Variants in IFNGR2 observed in about 807,000 individuals in gnomAD.
The protein encoded by IFNGR2 is IFN-gamma receptor 2.
In IFNGR2, 15 loss-of-function variants were observed where a neutral mutation model predicts 41.1. The ratio of observed to expected loss-of-function variants is 0.37; its 90% CI spans 0.24 to 0.56. The LOEUF is 0.56. IFNGR2 is among the 20% of genes least tolerant of loss of function. The probability of loss-of-function intolerance (pLI) is 0.81; values close to 1 mark genes in which losing one functional copy is unlikely to be tolerated. For missense variants in IFNGR2, 362 were observed against 415.7 expected (o/e 0.87, Z 1.12); for synonymous variants, 161 against 171.6 (o/e 0.94, Z 0.48).
intron 6 of IFNGR2, among the ~76,000 whole-genome samples, chr21:33,433,360 C>G (rs2083909198): frequency 6.6e-6 from 1 of 152,198 alleles, no homozygotes; most frequent in Non-Finnish European, 1.5e-5. Context: ...TGGAAGCACT[C>G]CGGTGTCGTT....
intron 1 of IFNGR2, among the ~76,000 whole-genome samples, chr21:33,407,844 G>GCC (rs1321355764): frequency 2.4e-3 from 132 of 55,720 alleles, no homozygotes; most frequent in Admixed American, 3.2e-3. Flanking sequence ...GATCCCCACC[G>GCC]CACCCCCCCC....
At chr21:33,433,338 A>G (rs1248795901) in intron 6 of IFNGR2, among the ~76,000 whole-genome samples, 1 of 152,230 alleles carries the variant, frequency 6.6e-6, no homozygotes, top group East Asian at 1.9e-4. Flanking sequence ...ACGATTCACA[A>G]CAGCCAAAAG....
At chr21:33,417,136 G>A (rs560657864) in intron 2 of IFNGR2, among the ~76,000 whole-genome samples, 1 of 151,684 alleles carries the variant, frequency 6.6e-6, no homozygotes, top group South Asian at 2.1e-4. Context: ...CTGCCCCCCA[G>A]GCTGGAGTGC....
In IFNGR2 at chr21:33,412,942, CTG is replaced by C. The variant is rs2083727492; in HGVS notation, c.74-1944_74-1943del. ...AATAAATCTATTCAAACAGCTGCCT[CTG>C]TTATCTTGACTTGCTCCAGGTTTGG... On this transcript the variant is annotated intron_variant, in intron 1 of 6. Transcript: ENST00000290219. Among the ~76,000 whole-genome samples, 2 of 152,220 alleles carry C rather than the reference CTG, an allele frequency of 1.3e-5. 1 individual carries two copies. The highest frequency in any genetic ancestry group is 1.3e-4 in the Admixed American group (2 of 15,280).
rs1487196634 is a variant in IFNGR2, at chr21:33,426,940, A to G, written c.469A>G (p.Ile157Val). 1.9e-6 allele frequency: 3 copies of G among 1,613,478 alleles called. No homozygotes were observed. Among genetic ancestry groups the G allele is most frequent in the African/African-American group, 2.7e-5 (2 of 74,844 alleles). The stretch of plus-strand genomic sequence containing the variant: ...GACCCCAGGAGAAGGCTCCCTCATC[A>G]TCAGGTTCTCCTCTCCCTTTGACAT... ...EVTPGEGSLI[I>V]RFSSPFDIAD... The change falls in exon 4 of 7, where the codon ATC becomes GTC. Residue 157 changes from isoleucine to valine, a missense_variant. Transcript: ENST00000290219.
intron 1 of IFNGR2, among the ~76,000 whole-genome samples, chr21:33,403,940 T>C (rs1256426859): frequency 6.6e-6 from 1 of 152,010 alleles, no homozygotes; most frequent in Non-Finnish European, 1.5e-5. Context: ...CCTGGCGTCC[T>C]GGCCGCCGGG....
At chr21:33,415,319 A>G (rs989563480) in intron 2 of IFNGR2, among the ~76,000 whole-genome samples, 2 of 152,232 alleles carry the variant, frequency 1.3e-5, no homozygotes, top group African/African-American at 4.8e-5. Flanking sequence ...ATAGGCTTCC[A>G]CCATGGAAGA....
At chr21:33,427,708 C>G (rs921715617) in intron 4 of IFNGR2, among the ~76,000 whole-genome samples, 3 of 152,016 alleles carry the variant, frequency 2.0e-5, no homozygotes, top group Non-Finnish European at 4.4e-5. Flanking sequence ...TAAGGAGGTT[C>G]TGTTATCTAT....
In IFNGR2 at chr21:33,411,004, G is replaced by A; in HGVS notation, c.74-3884G>A. On this transcript the variant is annotated intron_variant, in intron 1 of 6. Coordinates refer to ENST00000290219, the MANE Select transcript of IFNGR2 (RefSeq NM_005534.4). ...TTTCCCATCGGGGGCCATGTGGCCT[G>A]GAACACAGAGGCTGGGCTGCCCAAG... is the stretch of plus-strand genomic sequence containing the variant. 3.8e-6 allele frequency: 3 copies of A among 795,010 alleles called. No individual in the cohort carries two copies. In the South Asian group the frequency reaches 4.5e-5, roughly 12 times the overall value. 49.2% of individuals were successfully genotyped at this position (795,010 alleles called of 1,614,324 possible). A position where few individuals can be genotyped will look rare whatever the true frequency, so the allele number is the denominator to read the frequency against.
At chr21:33,430,095 C>T (rs1206393136) in intron 4 of IFNGR2, among the ~76,000 whole-genome samples, 1 of 152,166 alleles carries the variant, frequency 6.6e-6, no homozygotes, top group Non-Finnish European at 1.5e-5. Flanking sequence ...GTCGAGATCA[C>T]ACTACTGCAC....
chr21:33,437,051 G>A lies in IFNGR2; in HGVS notation c.*89G>A. Reference sequence around the variant, plus strand: ...TTCTGTCTGGACTTTCCAGAGACCAGTATTCCCTTTTGCTGCCTCTAAAAG... The same window carrying A: ...TTCTGTCTGGACTTTCCAGAGACCAATATTCCCTTTTGCTGCCTCTAAAAG... On this transcript the variant is annotated 3_prime_UTR_variant, in exon 7 of 7. Coordinates refer to ENST00000290219, the MANE Select transcript of IFNGR2 (RefSeq NM_005534.4). The A allele has an allele frequency of 3.5e-6, 5 of 1,421,186 alleles. No homozygotes were observed. The highest frequency in any genetic ancestry group is 4.9e-6 in the Non-Finnish European group (5 of 1,012,832). The allele number at this position is 1,421,186 out of a possible 1,614,324, so 88.0% of individuals were successfully genotyped here.
chr21:33,406,046 A>G (rs2083675229), intron 1 of IFNGR2, among the ~76,000 whole-genome samples: 2 of 150,744 alleles, frequency 1.3e-5, no homozygotes, highest in South Asian at 4.2e-4. Flanking sequence ...ACAAAAACAA[A>G]CAAATAAAAA....
At chr21:33,407,346 G>A (rs1457672209) in intron 1 of IFNGR2, among the ~76,000 whole-genome samples, 1 of 151,904 alleles carries the variant, frequency 6.6e-6, no homozygotes, top group Non-Finnish European at 1.5e-5. Context: ...CACTGGGTAA[G>A]CTCCTGAGTG....
chr21:33,434,812 A>C (rs140623547), intron 6 of IFNGR2, among the ~76,000 whole-genome samples: 235 of 152,284 alleles, frequency 1.5e-3, no homozygotes, highest in African/African-American at 5.5e-3. Flanking sequence ...AACAGGTCTC[A>C]GAATCTTACT....
In IFNGR2 at chr21:33,411,668, G is replaced by A. The variant is rs1601069888; in HGVS notation, c.74-3220G>A. On this transcript the variant is annotated intron_variant, in intron 1 of 6. Coordinates refer to ENST00000290219, the MANE Select transcript of IFNGR2 (RefSeq NM_005534.4). ...CAGGGTCCCCAAAAGATGGAGCAGA[G>A]GCAGAAGGTTCAGTACCAGGGAGAC... 8.2e-6 allele frequency: 3 copies of A among 365,262 alleles called. No homozygotes were observed. The East Asian group carries it at 2.3e-4, about 28-fold the overall frequency. 22.6% of individuals were successfully genotyped at this position (365,262 alleles called of 1,614,324 possible). A position where few individuals can be genotyped will look rare whatever the true frequency, so the allele number is the denominator to read the frequency against.
At chr21:33,410,461 A>C (rs1196166173) in intron 1 of IFNGR2, among the ~76,000 whole-genome samples, 1 of 149,286 alleles carries the variant, frequency 6.7e-6, no homozygotes, top group East Asian at 2.0e-4. Flanking sequence ...CACTGCGGCC[A>C]GCCTACAACA....
chr21:33,425,899 T>C (rs2083831999), intron 3 of IFNGR2, among the ~76,000 whole-genome samples: 1 of 152,230 alleles, frequency 6.6e-6, no homozygotes, highest in South Asian at 2.1e-4. Context: ...ATTGTCTCCT[T>C]GTGTAAAATG....
chr21:33,435,918 G>A (rs866612959), intron 6 of IFNGR2, among the ~76,000 whole-genome samples: 10 of 143,572 alleles, frequency 7.0e-5, no homozygotes, highest in Middle Eastern at 3.9e-3. Flanking sequence ...TTAGCCAGCC[G>A]TGGTGGTGCA....
In IFNGR2 at chr21:33,437,211, T is replaced by TAA; in HGVS notation, c.*251_*252dup. 4.1e-6 allele frequency: 2 copies of TAA among 483,614 alleles called. No homozygotes were observed. The highest frequency in any genetic ancestry group is 7.7e-5 in the East Asian group (2 of 25,840). The allele number at this position is 483,614 out of a possible 1,614,324, so 30.0% of individuals were successfully genotyped here. The stretch of plus-strand genomic sequence containing the variant: ...ATCCCAGGAAAATTAAGGCTTCTCT[T>TAA]AAACACTAAAAAGGCATGTAATTGC... On this transcript the variant is annotated 3_prime_UTR_variant, in exon 7 of 7. Transcript: ENST00000290219.
Sources: allele counts gnomAD v4.1 joint callset (sites outside exome capture counted in the v4.1 genomes callset), GRCh38; gene constraint gnomAD v4.1.1; transcripts MANE v1.5; gene names NCBI Gene and HGNC (gene_info 2026-07-23, HGNC 2026-07-21).